RAD54L: variants seen among roughly 807,000 people sequenced by gnomAD.
The protein encoded by RAD54L is DNA repair and recombination protein RAD54-like.
A neutral mutation model predicts 91.6 loss-of-function variants in RAD54L; 74 were observed. That is an observed-to-expected ratio of 0.81 (90% confidence interval 0.67 to 0.98). The LOEUF is 0.98. Ranked by LOEUF, RAD54L falls within the 50% of genes least tolerant of loss-of-function variation. RAD54L has a pLI of 0.00. For missense variants in RAD54L, 887 were observed against 945.7 expected (o/e 0.94, Z 0.81); for synonymous variants, 304 against 349.7 (o/e 0.87, Z 1.46).
chr1:46,272,469 C>G lies in RAD54L; in HGVS notation c.1173C>G (p.Cys391Trp), dbSNP rs972563722. 1.2e-6 allele frequency: 2 copies of G among 1,608,040 alleles called. No individual in the cohort carries two copies. Among genetic ancestry groups the G allele is most frequent in the African/African-American group, 1.3e-5 (1 of 74,764 alleles). The part of the protein sequence containing the change: ...LRELTSIVNR[C>W]LIRRTSDILS... ...CTTTTTATCCTGTTTTCTCTAGATG[C>G]CTGATACGGAGGACTTCTGATATCC... The change falls in exon 11 of 18, where the codon TGC (cysteine) becomes TGG (tryptophan). Residue 391 changes from cysteine (C) to tryptophan (W), a missense_variant. By Grantham distance (215) the Cys-to-Trp change is radical. Transcript: ENST00000371975.
chr1:46,266,504 C>T lies in RAD54L; in HGVS notation c.892-955C>T, dbSNP rs72901055. ...TCTTGGAGAAAGAGGGAAGGTTGTC[C>T]TTTATGATTTTCTTGAAAAAGGCTT... On this transcript the variant is annotated intron_variant, in intron 8 of 17. Coordinates refer to ENST00000371975, the MANE Select transcript of RAD54L (RefSeq NM_003579.4). Among the ~76,000 whole-genome samples the T allele has an allele frequency of 8.2e-3, 1,251 of 152,302 alleles. 19 individuals carry two copies. The highest frequency in any genetic ancestry group is 0.037 in the Middle Eastern group (11 of 294).
intron 3 of RAD54L, among the ~76,000 whole-genome samples, chr1:46,256,004 T>C (rs1438876377): frequency 2.6e-5 from 4 of 152,218 alleles, no homozygotes. Context: ...TTTGAAAATA[T>C]TTCTGTTTTA....
At chr1:46,266,042 C>T (rs1660258635) in intron 8 of RAD54L, among the ~76,000 whole-genome samples, 1 of 152,170 alleles carries the variant, frequency 6.6e-6, no homozygotes, top group African/African-American at 2.4e-5. Context: ...GCCACAGGAG[C>T]ACAGAGTTGA....
intron 6 of RAD54L, 29 bp from the exon 7 acceptor site, chr1:46,260,698 A>G: frequency 6.2e-7 from 1 of 1,614,206 alleles, no homozygotes. Flanking sequence ...CGTAGGTGCC[A>G]AAGTGGACTG....
At position 46,267,310 on chromosome 1, in the gene RAD54L, TGTCTC is replaced by T. The variant is rs1190971946; in HGVS notation, c.892-147_892-143del. The T allele has an allele frequency of 4.5e-5, 42 of 943,350 alleles. No individual in the cohort carries two copies. In the East Asian group the frequency reaches 1.0e-3, roughly 23 times the overall value. 58.4% of individuals were successfully genotyped at this position (943,350 alleles called of 1,614,324 possible). Reference sequence around the variant, plus strand: ...AACTCCTGGGCTCAAGTGATCCACCTGTCTCGGCCTCCCAAAGTGCTGGGATTACA... The same window carrying T: ...AACTCCTGGGCTCAAGTGATCCACCTGGCCTCCCAAAGTGCTGGGATTACA... On this transcript the variant is annotated intron_variant, in intron 8 of 17. Transcript: ENST00000371975.
intron 2 of RAD54L, among the ~76,000 whole-genome samples, chr1:46,249,018 G>A (rs1028073033): frequency 6.6e-6 from 1 of 152,192 alleles, no homozygotes; most frequent in African/African-American, 2.4e-5. Context: ...TGTCCTTCCA[G>A]TCCTTGCTCA....
intron 16 of RAD54L, among the ~76,000 whole-genome samples, chr1:46,275,171 T>C (rs1462376788): frequency 6.6e-6 from 1 of 152,228 alleles, no homozygotes; most frequent in South Asian, 2.1e-4. Context: ...ATTGATGACT[T>C]TGGACATTAG....
chr1:46,256,954 G>A (rs1028607179), intron 3 of RAD54L, among the ~76,000 whole-genome samples: 12 of 152,120 alleles, frequency 7.9e-5, no homozygotes, highest in African/African-American at 2.7e-4. Context: ...GACCAGCCTG[G>A]CCAACATGGT....
Position 46,270,749 on chromosome 1 carries a change from A to C in RAD54L, c.1133A>C (p.Glu378Ala). The change falls in exon 10 of 18, where the codon GAG (glutamate) becomes GCG (alanine). Residue 378 changes from glutamate to alanine, a missense_variant. Physicochemically the swap from Glu to Ala is moderately radical, Grantham distance 107 (BLOSUM62 -1). Transcript: ENST00000371975. The part of the protein sequence containing the change: ...AASEADRQLG[E>A]ERLRELTSIV... Reference sequence around the variant, plus strand: ...AGTGAGGCAGACAGGCAGCTAGGAGAGGAGCGGCTGCGGGAGCTCACCAGC... The same window carrying C: ...AGTGAGGCAGACAGGCAGCTAGGAGCGGAGCGGCTGCGGGAGCTCACCAGC... The C allele has an allele frequency of 1.2e-6, 2 of 1,614,224 alleles. No homozygotes were observed. The highest frequency in any genetic ancestry group is 1.7e-6 in the Non-Finnish European group (2 of 1,180,038).
rs559456706 is a variant in RAD54L, at chr1:46,272,601, G to A, written c.1244+61G>A. ...AAGCCTAGCTCCTGAAGCATGGCTG[G>A]GCTCTCAAGGTGTTCTCAGAGGGCA... On this transcript the variant is annotated intron_variant, in intron 11 of 17. Transcript: ENST00000371975. 9.3e-6 allele frequency: 15 copies of A among 1,611,768 alleles called. No homozygotes were observed. The East Asian group carries it at 2.7e-4, about 29-fold the overall frequency.
At chr1:46,249,848 C>T (rs1366563545) in intron 2 of RAD54L, 152 bp from the exon 3 acceptor site, 2 of 822,072 alleles carry the variant, frequency 2.4e-6, no homozygotes, top group East Asian at 2.6e-5. Context: ...AATAACTCTA[C>T]ATAATAGAGT....
chr1:46,253,720 C>CTTGTTTT (rs1659864126), intron 3 of RAD54L, among the ~76,000 whole-genome samples: 1 of 83,598 alleles, frequency 1.2e-5, no homozygotes, highest in Non-Finnish European at 2.2e-5. Context: ...CTTAGGTACT[C>CTTGTTTT]TTTTTTTTTT....
intron 13 of RAD54L, 60 bp from the exon 14 acceptor site, chr1:46,273,564 G>A (rs2148301753): frequency 5.0e-6 from 8 of 1,612,354 alleles, no homozygotes; most frequent in Non-Finnish European, 5.9e-6. Context: ...GATATCAAGA[G>A]TAAGAAGCCT....
chr1:46,259,927 C>A, intron 4 of RAD54L, 37 bp from the exon 5 acceptor site: 1 of 1,614,006 alleles, frequency 6.2e-7, no homozygotes, highest in Non-Finnish European at 8.5e-7. Context: ...AGCTCCTAAA[C>A]ATAGATTCAG....
At chr1:46,258,835 A>C (rs1279807531) in intron 4 of RAD54L, 89 bp downstream of exon 4, 1 of 1,108,198 alleles carries the variant, frequency 9.0e-7, no homozygotes, top group Admixed American at 1.8e-5. Context: ...ATACAAGCTT[A>C]GCTGGGAATT....
rs967003306 is a variant in RAD54L, at chr1:46,272,323, G to A, written c.1170-143G>A. ...TTCCCAAAGTGCTGGGATTACTGGC[G>A]TGAGCCACTGCGCCTGGCCGAGTCT... On this transcript the variant is annotated intron_variant, in intron 10 of 17. Coordinates refer to ENST00000371975, the MANE Select transcript of RAD54L (RefSeq NM_003579.4). 5.6e-5 allele frequency: 44 copies of A among 781,806 alleles called. No homozygotes were observed. In the African/African-American group the frequency reaches 6.2e-4, roughly 11 times the overall value. The allele number at this position is 781,806 out of a possible 1,614,324, so 48.4% of individuals were successfully genotyped here.
intron 2 of RAD54L, among the ~76,000 whole-genome samples, chr1:46,249,759 C>T (rs925195143): frequency 7.9e-5 from 12 of 152,190 alleles, no homozygotes; most frequent in Non-Finnish European, 1.8e-4. Context: ...TTTTATTTAC[C>T]TCTTCCATTG....
chr1:46,278,397 G>C lies in RAD54L; in HGVS notation c.*115G>C. ...TGGGAGAAAATCATCAAGAAGGGCT[G>C]CATGATGTTTGCCCAAAATTTATTT... is the stretch of plus-strand genomic sequence containing the variant. On this transcript the variant is annotated 3_prime_UTR_variant, in exon 18 of 18. Coordinates refer to ENST00000371975, the MANE Select transcript of RAD54L (RefSeq NM_003579.4). The C allele has an allele frequency of 8.2e-7, 1 of 1,220,664 alleles. No homozygotes were observed. The highest frequency in any genetic ancestry group is 1.2e-6 in the Non-Finnish European group (1 of 859,628). 75.6% of individuals were successfully genotyped at this position (1,220,664 alleles called of 1,614,324 possible). A position where few individuals can be genotyped will look rare whatever the true frequency, so the allele number is the denominator to read the frequency against.
rs1660173376 is a variant in RAD54L, at chr1:46,263,032, G to A, written c.891+1647G>A. Among the ~76,000 whole-genome samples the A allele has an allele frequency of 6.6e-6, 1 of 151,934 alleles. No individual in the cohort carries two copies. The highest frequency in any genetic ancestry group is 1.9e-4 in the East Asian group (1 of 5,184). The stretch of plus-strand genomic sequence containing the variant: ...AAATTATTAAGAAAAAGCTCTTATC[G>A]CAGTGCCTGGTATGTCATAAGGCCT... On this transcript the variant is annotated intron_variant, in intron 8 of 17. Transcript: ENST00000371975. This position sits in a 1 kb window ranked among gnomAD's most constrained non-coding sequence, Gnocchi z 4.3.
Sources: allele counts gnomAD v4.1 joint callset (sites outside exome capture counted in the v4.1 genomes callset), GRCh38; gene constraint gnomAD v4.1.1; non-coding constraint Gnocchi (gnomAD v3.1); transcripts MANE v1.5; gene names NCBI Gene and HGNC (gene_info 2026-07-23, HGNC 2026-07-21).